The following SHCBP1L variants were observed in gnomAD, a reference collection of about 807,000 sequenced individuals.
SHCBP1L encodes the protein testicular spindle-associated protein SHCBP1L.
In SHCBP1L, 67 loss-of-function variants were observed where a neutral mutation model predicts 62.5. That is an observed-to-expected ratio of 1.07 (90% CI 0.88 to 1.31). SHCBP1L has a LOEUF of 1.31. Among genes scored for constraint, SHCBP1L ranks in the 40% most tolerant of loss-of-function variants. The pLI, the probability that SHCBP1L is intolerant of heterozygous loss-of-function variation, is 0.00. For synonymous variants in SHCBP1L, 284 were observed against 289.4 expected, an observed-to-expected ratio of 0.98 and a Z score of 0.19; for missense variants, 823 against 809.8, an observed-to-expected ratio of 1.02 and a Z score of -0.20.
At chr1:182,919,544 C>T (rs959269842) in intron 6 of SHCBP1L, among the ~76,000 whole-genome samples, 3 of 152,130 alleles carry the variant, frequency 2.0e-5, no homozygotes, top group African/African-American at 7.2e-5. Context: ...GGGGCAAAAA[C>T]ATCCAAACCA....
chr1:182,902,349 C>G (rs1410928536), intron 9 of SHCBP1L, among the ~76,000 whole-genome samples: 1 of 152,054 alleles, frequency 6.6e-6, no homozygotes, highest in Admixed American at 6.6e-5. Flanking sequence ...CTGTGCCTGG[C>G]CTTGTACCTT....
At chr1:182,907,624 G>A (rs936746593) in intron 6 of SHCBP1L, among the ~76,000 whole-genome samples, 4 of 150,932 alleles carry the variant, frequency 2.7e-5, no homozygotes, top group East Asian at 3.9e-4. Context: ...TTGCTCTGTC[G>A]CCCAGGCTGG....
intron 6 of SHCBP1L, among the ~76,000 whole-genome samples, chr1:182,922,226 T>A (rs1650550082): frequency 6.6e-6 from 1 of 152,100 alleles, no homozygotes; most frequent in South Asian, 2.1e-4. Flanking sequence ...CCACTGACAG[T>A]ATTAGACAGA....
At chr1:182,932,191 C>G (rs1348992527) in intron 5 of SHCBP1L, among the ~76,000 whole-genome samples, 1 of 151,784 alleles carries the variant, frequency 6.6e-6, no homozygotes, top group Non-Finnish European at 1.5e-5. Flanking sequence ...TTTATACATT[C>G]ACCTGCTGAA....
At chr1:182,927,260 A>G (rs1650795153) in intron 6 of SHCBP1L, among the ~76,000 whole-genome samples, 1 of 151,848 alleles carries the variant, frequency 6.6e-6, no homozygotes, top group African/African-American at 2.4e-5. Context: ...TTTCCACTGC[A>G]CTGCTTGTAA....
At position 182,939,408 on chromosome 1, in the gene SHCBP1L, A is replaced by G. The variant is rs773707896; in HGVS notation, c.858-14T>C. 9.3e-6 allele frequency: 15 copies of G among 1,610,276 alleles called. No homozygotes were observed. In the Admixed American group the frequency reaches 1.0e-4, roughly 11 times the overall value. On this transcript the variant is annotated splice_polypyrimidine_tract_variant and intron_variant, in intron 4 of 9. Transcript: ENST00000367547. ...ATATCACACCACCTGAAAATTATCA[A>G]CATAATTACAATGTTTATTTTTTCT...
At chr1:182,946,207 C>T (rs1454958939) in intron 2 of SHCBP1L, among the ~76,000 whole-genome samples, 1 of 152,022 alleles carries the variant, frequency 6.6e-6, no homozygotes, top group East Asian at 1.9e-4. Context: ...GTGTTGGACA[C>T]TAAGTGGGCC....
chr1:182,924,974 G>GAAAGAAAGAAAGAAAGAAAGAAAA (rs1344712194), intron 6 of SHCBP1L, among the ~76,000 whole-genome samples: 5 of 109,510 alleles, frequency 4.6e-5, no homozygotes, highest in African/African-American at 7.7e-5. Context: ...AAGAAAGAAA[G>GAAAGAAAGAAAGAAAGAAAGAAAA]AAAAAAAAAG....
At chr1:182,949,393 C>A (rs937086090) in intron 2 of SHCBP1L, among the ~76,000 whole-genome samples, 6 of 151,930 alleles carry the variant, frequency 3.9e-5, no homozygotes, top group Non-Finnish European at 7.4e-5. Flanking sequence ...GATGAGCAAA[C>A]CTCTACAAAA....
At chr1:182,905,934 GTAT>G (rs887828518) in intron 6 of SHCBP1L, among the ~76,000 whole-genome samples, 1 of 151,776 alleles carries the variant, frequency 6.6e-6, no homozygotes, top group Non-Finnish European at 1.5e-5. Context: ...GTTCCTTGAC[GTAT>G]TATTATTATT....
At chr1:182,921,497 A>G (rs1650526953) in intron 6 of SHCBP1L, among the ~76,000 whole-genome samples, 2 of 152,248 alleles carry the variant, frequency 1.3e-5, no homozygotes, top group South Asian at 4.1e-4. Flanking sequence ...GACAGGATCA[A>G]ATCTGCACAT....
chr1:182,953,009 C>A lies in SHCBP1L; in HGVS notation c.125G>T (p.Gly42Val), dbSNP rs943402537. 6 of 1,542,530 alleles carry A rather than the reference C, an allele frequency of 3.9e-6. No homozygotes were observed. The highest frequency in any genetic ancestry group is 5.2e-6 in the Non-Finnish European group (6 of 1,148,152). Residue 42 changes from glycine (G) to valine (V), a missense_variant, in exon 1 of 10, where the codon GGC becomes GTC. Transcript: ENST00000367547. Reference protein sequence around the residue: ...GDTAAATTLKGTAIPVRSVVA... With the variant: ...GDTAAATTLKVTAIPVRSVVA... The stretch of plus-strand genomic sequence containing the variant: ...CACCGACCGCACTGGGATCGCGGTG[C>A]CCTTCAGGGTGGTCGCGGCCGCCGT...
At chr1:182,905,352 C>T in intron 7 of SHCBP1L, 144 bp downstream of exon 7, 1 of 864,000 alleles carries the variant, frequency 1.2e-6, no homozygotes, top group East Asian at 2.9e-5. Flanking sequence ...ACGAACATGT[C>T]TTAATTATAA....
chr1:182,914,369 T>C (rs767628366), intron 6 of SHCBP1L, among the ~76,000 whole-genome samples: 4 of 152,212 alleles, frequency 2.6e-5, no homozygotes, highest in Non-Finnish European at 4.4e-5. Flanking sequence ...GCAGTATTAC[T>C]GTATTTTTGG....
intron 6 of SHCBP1L, among the ~76,000 whole-genome samples, chr1:182,909,737 A>C (rs1650122507): frequency 6.6e-6 from 1 of 152,198 alleles, no homozygotes; most frequent in Non-Finnish European, 1.5e-5. Flanking sequence ...GTGTCTGTGG[A>C]CTAATCTCTG....
At chr1:182,907,037 CA>C (rs1357133235) in intron 6 of SHCBP1L, among the ~76,000 whole-genome samples, 1 of 151,536 alleles carries the variant, frequency 6.6e-6, no homozygotes, top group African/African-American at 2.4e-5. Context: ...AGGCTGGTCT[CA>C]AACTCCTCAG....
intron 6 of SHCBP1L, among the ~76,000 whole-genome samples, chr1:182,918,221 TACACATATATATATACATATATATAC>T (rs1650421435): frequency 7.9e-6 from 1 of 127,056 alleles, no homozygotes; most frequent in African/African-American, 3.2e-5. Flanking sequence ...CACATATATA[TACACATATATATATACATATATATAC>T]ACACATATAT....
intron 6 of SHCBP1L, among the ~76,000 whole-genome samples, chr1:182,907,292 G>A (rs1426101789): frequency 3.3e-5 from 5 of 151,330 alleles, no homozygotes; most frequent in Non-Finnish European, 1.5e-5. Flanking sequence ...AATTAGCCAG[G>A]CATGGTGGTA....
intron 5 of SHCBP1L, among the ~76,000 whole-genome samples, chr1:182,937,231 TCA>T (rs150234767): frequency 0.018 from 2,681 of 152,172 alleles, 68 homozygotes; most frequent in African/African-American, 0.056. Context: ...TGATAAACTC[TCA>T]GTTTTGTTTG....
Sources: allele counts gnomAD v4.1 joint callset (sites outside exome capture counted in the v4.1 genomes callset), GRCh38; gene constraint gnomAD v4.1.1; transcripts MANE v1.5; gene names NCBI Gene and HGNC (gene_info 2026-07-23, HGNC 2026-07-21).